Variants in CPHXL2 observed in about 807,000 individuals in gnomAD.
CPHXL2 encodes cytoplasmic polyadenylated homeobox like 2.
At chr16:75,669,501 T>C in the CPHXL2 span, 1 of 399,834 alleles carries the variant, frequency 2.5e-6, no homozygotes, top group Middle Eastern at 4.2e-4. Context: ...GTTTTGTTTT[T>C]CTTTTTTTCT....
At chr16:75,669,959 G>A in the CPHXL2 span, among the ~76,000 whole-genome samples, 7 of 152,238 alleles carry the variant, frequency 4.6e-5, no homozygotes, top group East Asian at 7.7e-4. Context: ...TTGTCATCCC[G>A]GCTGGAGTGC....
chr16:75,663,284 A>G, the CPHXL2 span, among the ~76,000 whole-genome samples: 1 of 152,252 alleles, frequency 6.6e-6, no homozygotes, highest in East Asian at 1.9e-4. Flanking sequence ...AAACAAAACC[A>G]TGACTAGGCA....
the CPHXL2 span, among the ~76,000 whole-genome samples, chr16:75,668,150 A>G: frequency 1.6e-4 from 24 of 152,216 alleles, no homozygotes; most frequent in African/African-American, 4.6e-4. Flanking sequence ...ACATACATAG[A>G]TAATAATACC....
the CPHXL2 span, among the ~76,000 whole-genome samples, chr16:75,668,516 C>T: frequency 9.2e-4 from 140 of 152,200 alleles, 1 homozygote; most frequent in Admixed American, 4.6e-3. Flanking sequence ...CGTAAGCCAC[C>T]GCAACAGGCC....
the CPHXL2 span, among the ~76,000 whole-genome samples, chr16:75,676,726 A>G: frequency 7.9e-5 from 12 of 152,294 alleles, no homozygotes; most frequent in Middle Eastern, 3.4e-3. Flanking sequence ...CTTTTAATAA[A>G]ATTTGATCTG....
At chr16:75,673,549 A>G in the CPHXL2 span, among the ~76,000 whole-genome samples, 1 of 152,208 alleles carries the variant, frequency 6.6e-6, no homozygotes, top group East Asian at 1.9e-4. Flanking sequence ...TGAAAGGTCC[A>G]GAAGCCATTA....
At chr16:75,664,030 C>A in the CPHXL2 span, among the ~76,000 whole-genome samples, 1 of 152,148 alleles carries the variant, frequency 6.6e-6, no homozygotes, top group Admixed American at 6.5e-5. Context: ...GTAACCCAGA[C>A]ATTCCTTTCT....
the CPHXL2 span, among the ~76,000 whole-genome samples, chr16:75,674,620 G>T: frequency 1.1e-4 from 17 of 152,218 alleles, no homozygotes; most frequent in Non-Finnish European, 2.1e-4. Context: ...GAAAATTTAA[G>T]AGGCCCCAAA....
the CPHXL2 span, among the ~76,000 whole-genome samples, chr16:75,663,538 C>T: frequency 6.6e-6 from 1 of 152,154 alleles, no homozygotes; most frequent in Admixed American, 6.5e-5. Context: ...CCTCATTATA[C>T]CCTCCTTTCT....
At chr16:75,676,984 C>T in the CPHXL2 span, 30 of 398,568 alleles carry the variant, frequency 7.5e-5, no homozygotes, top group South Asian at 3.3e-3. Context: ...CAAAGGCACT[C>T]ACCTTGGGAA....
At chr16:75,662,686 G>C in the CPHXL2 span, among the ~76,000 whole-genome samples, 2 of 151,760 alleles carry the variant, frequency 1.3e-5, no homozygotes, top group Non-Finnish European at 2.9e-5. Flanking sequence ...CTCTCCCCTA[G>C]AAAGAGGATA....
the CPHXL2 span, among the ~76,000 whole-genome samples, chr16:75,676,527 G>C: frequency 6.6e-6 from 1 of 152,048 alleles, no homozygotes; most frequent in Admixed American, 6.6e-5. Flanking sequence ...TTGCTATGTT[G>C]CCTAGGCTTG....
the CPHXL2 span, among the ~76,000 whole-genome samples, chr16:75,664,669 CA>C: frequency 6.6e-6 from 1 of 151,104 alleles, no homozygotes; most frequent in East Asian, 1.9e-4. Flanking sequence ...AACAAAACCC[CA>C]AAATCTTAAT....
At chr16:75,672,248 C>T in the CPHXL2 span, among the ~76,000 whole-genome samples, 5 of 151,326 alleles carry the variant, frequency 3.3e-5, no homozygotes, top group African/African-American at 4.9e-5. Flanking sequence ...CACTGCACTC[C>T]TGCCTGGGCT....
the CPHXL2 span, among the ~76,000 whole-genome samples, chr16:75,669,759 G>A: frequency 6.6e-5 from 10 of 152,098 alleles, 1 homozygote; most frequent in Non-Finnish European, 8.8e-5. Context: ...AGCCAGTTGC[G>A]TTTTTGTAAA....
the CPHXL2 span, among the ~76,000 whole-genome samples, chr16:75,666,311 T>C: frequency 6.6e-6 from 1 of 152,252 alleles, no homozygotes; most frequent in South Asian, 2.1e-4. Flanking sequence ...AGAAATGGGA[T>C]AGACAGCAAT....
At chr16:75,670,343 C>T in the CPHXL2 span, among the ~76,000 whole-genome samples, 1 of 152,116 alleles carries the variant, frequency 6.6e-6, no homozygotes, top group Non-Finnish European at 1.5e-5. Context: ...GGAACGGAAT[C>T]GGAGCCTGAA....
chr16:75,669,345 A>G, the CPHXL2 span: 2 of 400,406 alleles, frequency 5.0e-6, no homozygotes, highest in Non-Finnish European at 8.8e-6. Context: ...AGAAACATGC[A>G]TACGAGGTTG....
the CPHXL2 span, chr16:75,669,306 G>A: frequency 2.8e-6 from 1 of 356,634 alleles, no homozygotes. Context: ...ACTGGAGTGA[G>A]ACCTTTCCTA....
Sources: allele counts gnomAD v4.1 joint callset (sites outside exome capture counted in the v4.1 genomes callset), GRCh38; gene constraint gnomAD v4.1.1; transcripts MANE v1.5; gene names NCBI Gene and HGNC (gene_info 2026-07-23, HGNC 2026-07-21).